Variants in MLEC observed in about 807,000 individuals in gnomAD.
MLEC encodes malectin.
MLEC carries 7 observed loss-of-function variants against 28.7 expected under a neutral mutation model. The observed-to-expected ratio is 0.24, with a 90% CI of 0.14 to 0.46. The LOEUF is 0.46. Ranked by LOEUF, MLEC falls within the 20% of genes least tolerant of loss-of-function variation. The pLI is 0.99. For missense variants in MLEC, 237 were observed against 391.1 expected (o/e 0.61, Z 3.32); for synonymous variants, 142 against 164.4 (o/e 0.86, Z 1.04).
chr12:120,690,303 G>T (rs779219883), intron 1 of MLEC, among the ~76,000 whole-genome samples: 1 of 151,994 alleles, frequency 6.6e-6, no homozygotes, highest in South Asian at 2.1e-4. Context: ...GAACCATCAC[G>T]CCTGACCATG....
intron 1 of MLEC, among the ~76,000 whole-genome samples, chr12:120,691,315 T>C (rs1031841624): frequency 6.6e-6 from 1 of 152,260 alleles, no homozygotes; most frequent in African/African-American, 2.4e-5. Context: ...GAGCTATTTA[T>C]ACAGATTGTT....
rs1023866930 is a variant in MLEC, at chr12:120,700,443, T to A, written c.*3898T>A. Reference sequence around the variant, plus strand: ...CTTTCCAAAGTGAGAGACGAATCTTTCTTTCTTTTTTTTTTTAAAGGGCAG... The same window carrying A: ...CTTTCCAAAGTGAGAGACGAATCTTACTTTCTTTTTTTTTTTAAAGGGCAG... On this transcript the variant is annotated 3_prime_UTR_variant, in exon 5 of 5. Coordinates refer to ENST00000228506, the MANE Select transcript of MLEC (RefSeq NM_014730.4). This position sits in a 1 kb window ranked among gnomAD's most constrained non-coding sequence, Gnocchi z 4.0. 1 of 152,532 alleles carries A rather than the reference T, an allele frequency of 6.6e-6. No homozygotes were observed. The highest frequency in any genetic ancestry group is 1.5e-5 in the Non-Finnish European group (1 of 68,030). The allele number at this position is 152,532 out of a possible 1,614,324, so 9.4% of individuals were successfully genotyped here.
Position 120,696,587 on chromosome 12 carries a change from A to C in MLEC, c.*42A>C. On this transcript the variant is annotated 3_prime_UTR_variant, in exon 5 of 5. Transcript: ENST00000228506. The surrounding 1 kb of genome is among the most constrained non-coding windows in gnomAD (Gnocchi z 5.4). ...TGAACAGGGTGGAGGGGTGTGGGAA[A>C]GAAACCAGCCATATTGGTTTTGGTT... is the stretch of plus-strand genomic sequence containing the variant. 6.2e-7 allele frequency: 1 copy of C among 1,601,780 alleles called. No homozygotes were observed. Among genetic ancestry groups the C allele is most frequent in the Non-Finnish European group, 8.5e-7 (1 of 1,173,804 alleles).
chr12:120,688,043 T>G (rs1881894358), intron 1 of MLEC, among the ~76,000 whole-genome samples: 2 of 152,314 alleles, frequency 1.3e-5, no homozygotes, highest in African/African-American at 4.8e-5. Context: ...CCGCCCTCTT[T>G]TCGAGCGAAG....
In MLEC at chr12:120,694,409, A is replaced by AGCCTTGTG; in HGVS notation, c.414+140_414+141insGCCTTGTG. On this transcript the variant is annotated intron_variant, in intron 2 of 4. Coordinates refer to ENST00000228506, the MANE Select transcript of MLEC (RefSeq NM_014730.4). This position sits in a 1 kb window ranked among gnomAD's most constrained non-coding sequence, Gnocchi z 4.5. ...TCTAGAGAAGCATGTTCCATAGTGC[A>AGCCTTGTG]CAAGGCTGCACTTGCCTTGGGGGTG... is the stretch of plus-strand genomic sequence containing the variant. The AGCCTTGTG allele has an allele frequency of 1.2e-6, 1 of 866,566 alleles. No individual in the cohort carries two copies. Among genetic ancestry groups the AGCCTTGTG allele is most frequent in the Non-Finnish European group, 1.7e-6 (1 of 578,202 alleles). The allele number at this position is 866,566 out of a possible 1,614,324, so 53.7% of individuals were successfully genotyped here.
At position 120,696,970 on chromosome 12, in the gene MLEC, G is replaced by T. The variant is rs1011420636; in HGVS notation, c.*425G>T. The T allele has an allele frequency of 5.9e-6, 1 of 170,916 alleles. No individual in the cohort carries two copies. Among genetic ancestry groups the T allele is most frequent in the South Asian group, 1.4e-4 (1 of 7,180 alleles). 10.6% of individuals were successfully genotyped at this position (170,916 alleles called of 1,614,324 possible). A position where few individuals can be genotyped will look rare whatever the true frequency, so the allele number is the denominator to read the frequency against. On this transcript the variant is annotated 3_prime_UTR_variant, in exon 5 of 5. Transcript: ENST00000228506. This position sits in a 1 kb window ranked among gnomAD's most constrained non-coding sequence, Gnocchi z 5.4. ...CACTGGGAGTTAGGTACGGTCTGAA[G>T]TTATGTCTAGATAAGACTTCAGACG... is the stretch of plus-strand genomic sequence containing the variant.
At position 120,701,536 on chromosome 12, in the gene MLEC, C is replaced by G. The variant is rs1355395835; in HGVS notation, c.*4991C>G. The G allele has an allele frequency of 6.6e-6, 1 of 152,618 alleles. No homozygotes were observed. Among genetic ancestry groups the G allele is most frequent in the Non-Finnish European group, 1.5e-5 (1 of 68,066 alleles). The allele number at this position is 152,618 out of a possible 1,614,324, so 9.5% of individuals were successfully genotyped here. ...TTGGGCCTGGCTGCTCTATTCTGTA[C>G]CAAGTACTGGAGAAAAAGCATCAAG... is the stretch of plus-strand genomic sequence containing the variant. On this transcript the variant is annotated 3_prime_UTR_variant, in exon 5 of 5. Transcript: ENST00000228506. This position sits in a 1 kb window ranked among gnomAD's most constrained non-coding sequence, Gnocchi z 4.0.
chr12:120,694,049 G>A lies in MLEC; in HGVS notation c.236-42G>A, dbSNP rs775120640. On this transcript the variant is annotated intron_variant, in intron 1 of 4. Transcript: ENST00000228506. The surrounding 1 kb of genome is among the most constrained non-coding windows in gnomAD (Gnocchi z 4.5). ...TCTGGGGTCTTTGCTTTTCTTTTGTGTCTTGCCTCTGATGTGCTTTCTCTT... is the reference window on the plus strand; with the variant it reads ...TCTGGGGTCTTTGCTTTTCTTTTGTATCTTGCCTCTGATGTGCTTTCTCTT... 4.4e-6 allele frequency: 7 copies of A among 1,575,814 alleles called. No individual in the cohort carries two copies. The highest frequency in any genetic ancestry group is 3.6e-5 in the Admixed American group (2 of 55,022).
At position 120,687,574 on chromosome 12, in the gene MLEC, T is replaced by A; in HGVS notation, c.235+43T>A. The stretch of plus-strand genomic sequence containing the variant: ...GAGCCGCGGGATCCAGGGCCTGCTG[T>A]GCTGGGCGCAGCCGGCCGGGGGCTG... On this transcript the variant is annotated intron_variant, in intron 1 of 4. Coordinates refer to ENST00000228506, the MANE Select transcript of MLEC (RefSeq NM_014730.4). The surrounding 1 kb of genome is among the most constrained non-coding windows in gnomAD (Gnocchi z 8.1). 7.1e-7 allele frequency: 1 copy of A among 1,411,810 alleles called. No individual in the cohort carries two copies. The highest frequency in any genetic ancestry group is 9.4e-7 in the Non-Finnish European group (1 of 1,067,488). 87.5% of individuals were successfully genotyped at this position (1,411,810 alleles called of 1,614,324 possible).
At chr12:120,688,770 A>C (rs1372163963) in intron 1 of MLEC, among the ~76,000 whole-genome samples, 1 of 152,252 alleles carries the variant, frequency 6.6e-6, no homozygotes, top group East Asian at 1.9e-4. Flanking sequence ...GTCTTGGGAC[A>C]CAGGGCTGTT....
At position 120,687,502 on chromosome 12, in the gene MLEC, A is replaced by G. The variant is rs760226011; in HGVS notation, c.206A>G (p.Lys69Arg). Residue 69 changes from lysine (K) to arginine (R), a missense_variant, in exon 1 of 5, where the codon AAG (lysine) becomes AGG (arginine). Physicochemically the swap from Lys to Arg is conservative, Grantham distance 26 (BLOSUM62 2). Transcript: ENST00000228506. This position sits in a 1 kb window ranked among gnomAD's most constrained non-coding sequence, Gnocchi z 8.1. ...HVDVHGIHFR[K>R]DPLEGRVGRA... is the part of the protein sequence containing the mutation. Reference sequence around the variant, plus strand: ...GACGTGCACGGGATCCACTTCCGCAAGGACCCTTTGGAAGGCCGGGTGGGC... The same window carrying G: ...GACGTGCACGGGATCCACTTCCGCAGGGACCCTTTGGAAGGCCGGGTGGGC... The G allele has an allele frequency of 1.0e-5, 15 of 1,475,980 alleles. No homozygotes were observed. Among genetic ancestry groups the G allele is most frequent in the Non-Finnish European group, 1.3e-5 (14 of 1,114,418 alleles). The allele number at this position is 1,475,980 out of a possible 1,614,324, so 91.4% of individuals were successfully genotyped here. A position where few individuals can be genotyped will look rare whatever the true frequency, so the allele number is the denominator to read the frequency against.
intron 1 of MLEC, among the ~76,000 whole-genome samples, chr12:120,688,462 G>A (rs547682094): frequency 6.6e-5 from 10 of 152,334 alleles, no homozygotes; most frequent in Admixed American, 1.3e-4. Context: ...CACCGTTTTG[G>A]AAGATCAGCT....
Position 120,687,606 on chromosome 12 carries a change from C to T in MLEC, c.235+75C>T. On this transcript the variant is annotated intron_variant, in intron 1 of 4. Transcript: ENST00000228506. The surrounding 1 kb of genome is among the most constrained non-coding windows in gnomAD (Gnocchi z 8.1). Reference sequence around the variant, plus strand: ...CGCAGCCGGCCGGGGGCTGCGGGCCCCGAGCCCCTTTCGACCCTGGGGCCG... The same window carrying T: ...CGCAGCCGGCCGGGGGCTGCGGGCCTCGAGCCCCTTTCGACCCTGGGGCCG... 1 of 1,237,990 alleles carries T rather than the reference C, an allele frequency of 8.1e-7. No homozygotes were observed. The highest frequency in any genetic ancestry group is 1.1e-6 in the Non-Finnish European group (1 of 930,458). 76.7% of individuals were successfully genotyped at this position (1,237,990 alleles called of 1,614,324 possible). A position where few individuals can be genotyped will look rare whatever the true frequency, so the allele number is the denominator to read the frequency against.
Position 120,694,286 on chromosome 12 carries a change from CTGCTGCTTGACCAGTAGGACAT to C in MLEC, c.414+25_414+46del, listed in dbSNP as rs759046176. On this transcript the variant is annotated intron_variant, in intron 2 of 4. Coordinates refer to ENST00000228506, the MANE Select transcript of MLEC (RefSeq NM_014730.4). The surrounding 1 kb of genome is among the most constrained non-coding windows in gnomAD (Gnocchi z 4.5). ...CAGCAAAAGGTGAGGCCTAGTCAGG[CTGCTGCTTGACCAGTAGGACAT>C]TGCTGCTCTTGGACAATCCACGATT... 6.2e-7 allele frequency: 1 copy of C among 1,611,344 alleles called. No individual in the cohort carries two copies. The highest frequency in any genetic ancestry group is 1.7e-5 in the Admixed American group (1 of 59,904).
rs571080467 is a variant in MLEC, at chr12:120,694,303, G to A, written c.414+34G>A. On this transcript the variant is annotated intron_variant, in intron 2 of 4. Coordinates refer to ENST00000228506, the MANE Select transcript of MLEC (RefSeq NM_014730.4). The surrounding 1 kb of genome is among the most constrained non-coding windows in gnomAD (Gnocchi z 4.5). The stretch of plus-strand genomic sequence containing the variant: ...TAGTCAGGCTGCTGCTTGACCAGTA[G>A]GACATTGCTGCTCTTGGACAATCCA... 19 of 1,601,770 alleles carry A rather than the reference G, an allele frequency of 1.2e-5. No individual in the cohort carries two copies. In the East Asian group the frequency reaches 3.8e-4, roughly 32 times the overall value.
In MLEC at chr12:120,687,248, C is replaced by G; in HGVS notation, c.-49C>G. ...TCTGAGTCCGGGGTGGCCTGGCAGC[C>G]GGCCGAGGACGAGGGTCGGCGGGGG... is the stretch of plus-strand genomic sequence containing the variant. On this transcript the variant is annotated 5_prime_UTR_variant, in exon 1 of 5. Transcript: ENST00000228506. The surrounding 1 kb of genome is among the most constrained non-coding windows in gnomAD (Gnocchi z 8.1). 7.4e-7 allele frequency: 1 copy of G among 1,352,880 alleles called. No individual in the cohort carries two copies. Among genetic ancestry groups the G allele is most frequent in the South Asian group, 1.9e-5 (1 of 52,742 alleles). The allele number at this position is 1,352,880 out of a possible 1,614,324, so 83.8% of individuals were successfully genotyped here.
In MLEC at chr12:120,695,134, A is replaced by T. The variant is rs773593388; in HGVS notation, c.631A>T (p.Met211Leu). 2.5e-6 allele frequency: 4 copies of T among 1,614,148 alleles called. 1 individual carries two copies. The highest frequency in any genetic ancestry group is 3.3e-5 in the Admixed American group (2 of 60,020). The change falls in exon 4 of 5, where the codon ATG (methionine) becomes TTG (leucine). Residue 211 changes from methionine to leucine, a missense_variant. Met to Leu is a conservative substitution (Grantham distance 15, BLOSUM62 2). Transcript: ENST00000228506. ...TCCCAAGGTCTGTGCACTCTACATC[A>T]TGGCTGGGACAGTGGATGGTAGGTT... Reference protein sequence around the residue: ...DNPKVCALYIMAGTVDDVPKL... With the variant: ...DNPKVCALYILAGTVDDVPKL...
Position 120,687,314 on chromosome 12 carries a change from G to A in MLEC, c.18G>A (p.Ala6=), listed in dbSNP as rs540906166. The change falls in exon 1 of 5, where the codon GCG becomes GCA. Residue 6 remains alanine, a synonymous_variant. Coordinates refer to ENST00000228506, the MANE Select transcript of MLEC (RefSeq NM_014730.4). This position sits in a 1 kb window ranked among gnomAD's most constrained non-coding sequence, Gnocchi z 8.1. MLGAW[A]VEGTAVALLR... ...TGGCCGCCATGCTGGGAGCCTGGGC[G>A]GTTGAGGGAACCGCTGTGGCGCTCC... The A allele has an allele frequency of 1.5e-5, 21 of 1,398,662 alleles. No homozygotes were observed. In the African/African-American group the frequency reaches 3.2e-4, roughly 21 times the overall value. The allele number at this position is 1,398,662 out of a possible 1,614,324, so 86.6% of individuals were successfully genotyped here. A position where few individuals can be genotyped will look rare whatever the true frequency, so the allele number is the denominator to read the frequency against.
At position 120,696,454 on chromosome 12, in the gene MLEC, C is replaced by G; in HGVS notation, c.788C>G (p.Pro263Arg). 6.2e-7 allele frequency: 1 copy of G among 1,614,138 alleles called. No individual in the cohort carries two copies. Among genetic ancestry groups the G allele is most frequent in the South Asian group, 1.1e-5 (1 of 91,068 alleles). ...RVQSGPRTPN[P>R]YASDNSSLMF... is the part of the protein sequence containing the mutation. ...CAGTCAGGCCCCCGCACACCCAACC[C>G]CTATGCCTCGGACAACAGCAGCCTC... The change falls in exon 5 of 5, where the codon CCC becomes CGC. Residue 263 changes from proline to arginine, a missense_variant. Pro to Arg is a moderately radical substitution (Grantham distance 103). Transcript: ENST00000228506. This position sits in a 1 kb window ranked among gnomAD's most constrained non-coding sequence, Gnocchi z 5.4.
Sources: gnomAD v4.1 joint callset for allele counts (sites outside exome capture counted in the v4.1 genomes callset) on GRCh38, gnomAD v4.1.1 for gene constraint, Gnocchi (gnomAD v3.1) non-coding constraint, MANE v1.5 for transcripts, NCBI Gene and HGNC (gene_info 2026-07-23, HGNC 2026-07-21) for gene names.